SEC11A: variants seen among roughly 807,000 people sequenced by gnomAD.
SEC11A encodes SEC11 homolog A, signal peptidase complex subunit.
SEC11A carries 14 observed loss-of-function variants against 25.6 expected under a neutral mutation model. The ratio of observed to expected loss-of-function variants is 0.55; its 90% CI spans 0.36 to 0.85. The LOEUF (loss-of-function observed/expected upper bound fraction) is 0.85, where lower values mean the gene tolerates loss of function less well. Among genes scored for constraint, SEC11A ranks in the 40% least tolerant of loss-of-function variants. The pLI is 0.01. For missense variants in SEC11A, 153 were observed against 222.9 expected, an observed-to-expected ratio of 0.69 and a Z score of 2.00; for synonymous variants, 83 against 76.4, an observed-to-expected ratio of 1.09 and a Z score of -0.45.
intron 1 of SEC11A, among the ~76,000 whole-genome samples, chr15:84,715,732 A>C (rs1055162616): frequency 6.6e-6 from 1 of 151,820 alleles, no homozygotes; most frequent in African/African-American, 2.4e-5. Context: ...AGCAACCCCA[A>C]CTCCCACTTC....
intron 1 of SEC11A, among the ~76,000 whole-genome samples, chr15:84,703,640 G>C (rs959395211): frequency 2.0e-5 from 3 of 152,194 alleles, no homozygotes; most frequent in Admixed American, 1.3e-4. Context: ...AAGCGATACA[G>C]CAGTTGTTCA....
rs1345629105 is a variant in SEC11A at position 84,669,899 on chromosome 15, G to A, written c.*120C>T. 3.8e-6 allele frequency: 6 copies of A among 1,566,056 alleles called. No homozygotes were observed. The African/African-American group carries it at 6.8e-5, about 18-fold the overall frequency. On this transcript the variant is annotated 3_prime_UTR_variant, in exon 6 of 6. Coordinates refer to ENST00000268220, the MANE Select transcript of SEC11A (RefSeq NM_014300.4). ...TGGAAACATAAACTAATGCAAACCA[G>A]TGCTACCCAGAAGCACCAACACGTG...
At chr15:84,710,113 T>G (rs992716726) in intron 1 of SEC11A, among the ~76,000 whole-genome samples, 1 of 152,216 alleles carries the variant, frequency 6.6e-6, no homozygotes, top group Non-Finnish European at 1.5e-5. Flanking sequence ...AAATTCAGTT[T>G]AAAATGTGTA....
intron 4 of SEC11A, chr15:84,679,939 G>C (rs1897241363): frequency 1.3e-6 from 2 of 1,530,208 alleles, no homozygotes; most frequent in Admixed American, 3.9e-5. Context: ...TACAATTCCT[G>C]TCCTCCACTG....
intron 1 of SEC11A, among the ~76,000 whole-genome samples, chr15:84,715,748 C>T (rs1188690529): frequency 6.6e-6 from 1 of 152,222 alleles, no homozygotes; most frequent in African/African-American, 2.4e-5. Flanking sequence ...ACTTCAAGCG[C>T]GTACGGTTTC....
chr15:84,680,030 T>C, intron 4 of SEC11A: 1 of 1,080,602 alleles, frequency 9.3e-7, no homozygotes, highest in Non-Finnish European at 1.3e-6. Flanking sequence ...ATTTCAAGAC[T>C]AGAAATATTA....
intron 1 of SEC11A, among the ~76,000 whole-genome samples, chr15:84,712,050 G>A (rs1259033221): frequency 2.0e-5 from 3 of 152,022 alleles, no homozygotes; most frequent in Non-Finnish European, 4.4e-5. Flanking sequence ...AGACCAGCTT[G>A]GGCAGAATAG....
chr15:84,682,597 C>T (rs1316028446), intron 3 of SEC11A, among the ~76,000 whole-genome samples: 3 of 151,948 alleles, frequency 2.0e-5, no homozygotes, highest in African/African-American at 7.3e-5. Flanking sequence ...TACAAGCGCC[C>T]GCCACCACAC....
chr15:84,697,542 T>A (rs547837742), intron 1 of SEC11A, among the ~76,000 whole-genome samples: 5 of 152,328 alleles, frequency 3.3e-5, no homozygotes, highest in African/African-American at 9.6e-5. Context: ...AGCCAAAACC[T>A]AGACAGAAGC....
At chr15:84,682,997 C>G (rs1897318482) in intron 3 of SEC11A, among the ~76,000 whole-genome samples, 1 of 152,012 alleles carries the variant, frequency 6.6e-6, no homozygotes, top group Non-Finnish European at 1.5e-5. Context: ...GATGTTAAAT[C>G]TGCAGAGGAA....
intron 3 of SEC11A, among the ~76,000 whole-genome samples, chr15:84,682,273 G>A (rs1193562698): frequency 3.3e-5 from 5 of 151,206 alleles, no homozygotes; most frequent in Non-Finnish European, 7.4e-5. Flanking sequence ...TGGATAAACA[G>A]ACCAATGGAT....
chr15:84,678,973 T>C (rs1259662441), intron 4 of SEC11A, among the ~76,000 whole-genome samples: 1 of 149,914 alleles, frequency 6.7e-6, no homozygotes, highest in Non-Finnish European at 1.5e-5. Context: ...CTAGCCTGGG[T>C]GACAGAGCAA....
rs760167458 is a variant in SEC11A, at chr15:84,716,090, G to A, written c.-15C>T. 2.5e-6 allele frequency: 4 copies of A among 1,613,108 alleles called. No homozygotes were observed. Among genetic ancestry groups the A allele is most frequent in the Admixed American group, 1.7e-5 (1 of 59,940 alleles). ...AGAGACAGCATGGCGGGGACGGCGA[G>A]CAGGACACCGGCAGGGGAAAGGGCG... is the stretch of plus-strand genomic sequence containing the variant. On this transcript the variant is annotated 5_prime_UTR_variant, in exon 1 of 6. Coordinates refer to ENST00000268220, the MANE Select transcript of SEC11A (RefSeq NM_014300.4).
At chr15:84,695,960 T>C (rs1897755879) in intron 1 of SEC11A, among the ~76,000 whole-genome samples, 1 of 152,212 alleles carries the variant, frequency 6.6e-6, no homozygotes, top group Admixed American at 6.5e-5. Flanking sequence ...ACTGTTTTGG[T>C]TTATTTTTTT....
intron 3 of SEC11A, among the ~76,000 whole-genome samples, chr15:84,682,724 C>T (rs1293186862): frequency 6.6e-6 from 1 of 152,168 alleles, no homozygotes; most frequent in African/African-American, 2.4e-5. Flanking sequence ...GCTAGGATTA[C>T]AGGCGTGAGC....
intron 4 of SEC11A, 90 bp downstream of exon 4, chr15:84,680,623 A>G (rs1029564015): frequency 1.9e-5 from 25 of 1,294,730 alleles, no homozygotes; most frequent in African/African-American, 3.0e-5. Context: ...CCAAATCTCT[A>G]TATTCAACTG....
At chr15:84,672,796 C>T (rs1897024921) in intron 4 of SEC11A, 3 of 211,602 alleles carry the variant, frequency 1.4e-5, no homozygotes, top group Admixed American at 5.7e-5. Flanking sequence ...TCTGCCCGGC[C>T]GCCATCCCAT....
At chr15:84,709,069 A>T (rs932974395) in intron 1 of SEC11A, among the ~76,000 whole-genome samples, 6 of 152,140 alleles carry the variant, frequency 3.9e-5, no homozygotes, top group Non-Finnish European at 7.3e-5. Flanking sequence ...ACAGGGATCT[A>T]GTCACATCCT....
At chr15:84,705,882 A>C (rs948528279) in intron 1 of SEC11A, among the ~76,000 whole-genome samples, 3 of 151,558 alleles carry the variant, frequency 2.0e-5, no homozygotes, top group Admixed American at 1.3e-4. Flanking sequence ...CCATCCTTAC[A>C]ACTTTTAAAT....
Sources: allele counts gnomAD v4.1 joint callset (sites outside exome capture counted in the v4.1 genomes callset), GRCh38; gene constraint gnomAD v4.1.1; transcripts MANE v1.5; gene names NCBI Gene and HGNC (gene_info 2026-07-23, HGNC 2026-07-21).